PAX2: variants seen among roughly 807,000 people sequenced by gnomAD.
PAX2 encodes paired box protein Pax-2.
PAX2 carries 9 observed loss-of-function variants against 41.7 expected under a neutral mutation model. That is an observed-to-expected ratio of 0.22 (90% CI 0.13 to 0.38). PAX2 has a LOEUF of 0.38. PAX2 is among the 10% of genes least tolerant of loss of function. The pLI is 1.00. For synonymous variants in PAX2, 221 were observed against 212.7 expected (o/e 1.04, Z -0.34); for missense variants, 418 against 531.6 (o/e 0.79, Z 2.10).
Position 100,748,184 on chromosome 10 carries a change from G to A in PAX2, c.44-1562G>A, listed in dbSNP as rs1264694874. On this transcript the variant is annotated intron_variant, in intron 1 of 9. Transcript: ENST00000355243. The surrounding 1 kb of genome is among the most constrained non-coding windows in gnomAD (Gnocchi z 5.0). ...TGAGGGGCCGGGCCCTGAGCCCGGG[G>A]AGGCTGAATTATTCATCTTTAATCT... 1.0e-6 allele frequency: 1 copy of A among 985,146 alleles called. No individual in the cohort carries two copies. Among genetic ancestry groups the A allele is most frequent in the East Asian group, 1.1e-4 (1 of 8,726 alleles). The allele number at this position is 985,146 out of a possible 1,614,324, so 61.0% of individuals were successfully genotyped here.
upstream of PAX2, among the ~76,000 whole-genome samples, chr10:100,741,609 C>T (rs1404013829): frequency 1.3e-5 from 2 of 152,110 alleles, no homozygotes; most frequent in Non-Finnish European, 2.9e-5. Flanking sequence ...TGCGCCGGGA[C>T]CCAGAGGGCG....
Position 100,746,038 on chromosome 10 carries a change from T to G in PAX2, c.-223T>G. ...ACCGCCCAGCCCCGAGCCCCGACAG[T>G]GGCAAGTTGCGGCTACTGCAGTTGC... On this transcript the variant is annotated 5_prime_UTR_variant, in exon 1 of 10. Transcript: ENST00000355243. The G allele has an allele frequency of 6.9e-7, 1 of 1,442,498 alleles. No individual in the cohort carries two copies. The highest frequency in any genetic ancestry group is 9.0e-7 in the Non-Finnish European group (1 of 1,105,448). The allele number at this position is 1,442,498 out of a possible 1,614,324, so 89.4% of individuals were successfully genotyped here.
Position 100,750,578 on chromosome 10 carries a change from C to A in PAX2, c.213-116C>A. On this transcript the variant is annotated intron_variant, in intron 2 of 9. Coordinates refer to ENST00000355243, the MANE Select transcript of PAX2 (RefSeq NM_000278.5). This position sits in a 1 kb window ranked among gnomAD's most constrained non-coding sequence, Gnocchi z 4.1. ...CAGCTCAGCCACACTGGGCCTTTTC[C>A]CTCCACTCCGCTGCCTCGGCCGGGC... is the stretch of plus-strand genomic sequence containing the variant. The A allele has an allele frequency of 1.1e-6, 1 of 911,728 alleles. No homozygotes were observed. 56.5% of individuals were successfully genotyped at this position (911,728 alleles called of 1,614,324 possible).
intron 5 of PAX2, among the ~76,000 whole-genome samples, chr10:100,797,156 G>A (rs572683933): frequency 2.0e-5 from 3 of 152,324 alleles, no homozygotes; most frequent in African/African-American, 7.2e-5. Context: ...TTCTCTACAT[G>A]AAGTTTATAA....
chr10:100,827,792 A>C lies in PAX2; in HGVS notation c.*173A>C. On this transcript the variant is annotated 3_prime_UTR_variant, in exon 10 of 10. Coordinates refer to ENST00000355243, the MANE Select transcript of PAX2 (RefSeq NM_000278.5). This position sits in a 1 kb window ranked among gnomAD's most constrained non-coding sequence, Gnocchi z 8.5. The stretch of plus-strand genomic sequence containing the variant: ...CAACCCTTCACATCACCCCCCTCGA[A>C]GGTCGGACAGGACGGGTGGAGCCGT... 1.0e-6 allele frequency: 1 copy of C among 952,990 alleles called. No homozygotes were observed. Among genetic ancestry groups the C allele is most frequent in the Non-Finnish European group, 1.6e-6 (1 of 621,844 alleles). The allele number at this position is 952,990 out of a possible 1,614,324, so 59.0% of individuals were successfully genotyped here.
chr10:100,764,968 A>T (rs2133866101), intron 3 of PAX2, among the ~76,000 whole-genome samples: 1 of 152,176 alleles, frequency 6.6e-6, no homozygotes, highest in South Asian at 2.1e-4. Context: ...AAATGGAGAT[A>T]AGACAAAGGA....
At chr10:100,794,308 CT>C (rs1847246021) in intron 5 of PAX2, among the ~76,000 whole-genome samples, 1 of 152,252 alleles carries the variant, frequency 6.6e-6, no homozygotes, top group African/African-American at 2.4e-5. Context: ...TCCATCTCCA[CT>C]CCCTACTTGC....
At chr10:100,765,596 G>A (rs1322319389) in intron 3 of PAX2, among the ~76,000 whole-genome samples, 1 of 152,118 alleles carries the variant, frequency 6.6e-6, no homozygotes, top group Non-Finnish European at 1.5e-5. Context: ...CATTTTTCTT[G>A]TAGTACGAAA....
chr10:100,742,986 T>C (rs4919487), upstream of PAX2, among the ~76,000 whole-genome samples: 7 of 150,194 alleles, frequency 4.7e-5, no homozygotes, highest in Admixed American at 4.7e-4. Context: ...GGCCAGCCCT[T>C]CATCCTGGAG....
rs116720863 is a variant in PAX2 at position 100,813,116 on chromosome 10, G to A, written c.919+3880G>A. Among the ~76,000 whole-genome samples the A allele has an allele frequency of 4.9e-3, 749 of 152,386 alleles. 8 individuals are homozygous for A. The highest frequency in any genetic ancestry group is 0.017 in the African/African-American group (708 of 41,594). ...CATTCAAAGCTGTCCTGAGCAGCAC[G>A]TGGCCTGTGGGCTGTGGATTGGACA... On this transcript the variant is annotated intron_variant, in intron 7 of 9. Coordinates refer to ENST00000355243, the MANE Select transcript of PAX2 (RefSeq NM_000278.5).
chr10:100,759,414 G>A (rs975130747), intron 3 of PAX2, among the ~76,000 whole-genome samples: 4 of 152,204 alleles, frequency 2.6e-5, no homozygotes, highest in Non-Finnish European at 5.9e-5. Flanking sequence ...GGCAGGCTGT[G>A]AGGCAGGCCA....
chr10:100,799,789 CTT>C lies in PAX2; in HGVS notation c.617-6621_617-6620del, dbSNP rs56012188. On this transcript the variant is annotated intron_variant, in intron 5 of 9. Coordinates refer to ENST00000355243, the MANE Select transcript of PAX2 (RefSeq NM_000278.5). The stretch of plus-strand genomic sequence containing the variant: ...TTAGAAAACTGAAGTTAGTGTAATT[CTT>C]TTTTTTTTTTTTTTTTTTTCTGAGA... Among the ~76,000 whole-genome samples the C allele has an allele frequency of 1.7e-3, 156 of 89,904 alleles. 1 individual carries two copies. The highest frequency in any genetic ancestry group is 0.014 in the South Asian group (29 of 2,040). 59.0% of individuals were successfully genotyped at this position (89,904 alleles called of 152,430 possible).
intron 5 of PAX2, among the ~76,000 whole-genome samples, chr10:100,794,467 T>A (rs1847251197): frequency 6.6e-6 from 1 of 152,172 alleles, no homozygotes; most frequent in African/African-American, 2.4e-5. Flanking sequence ...CCTCCCTCCC[T>A]TTCATCCACT....
intron 5 of PAX2, among the ~76,000 whole-genome samples, chr10:100,805,180 A>G (rs1445661925): frequency 6.6e-6 from 1 of 152,046 alleles, no homozygotes; most frequent in African/African-American, 2.4e-5. Flanking sequence ...GCAAGGGAGG[A>G]TGGCTGCAGG....
chr10:100,744,892 C>T (rs1429706216), upstream of PAX2, among the ~76,000 whole-genome samples: 1 of 152,106 alleles, frequency 6.6e-6, no homozygotes, highest in African/African-American at 2.4e-5. Context: ...TCGCGTGGAA[C>T]GGGAGGGGAC....
chr10:100,816,583 C>T (rs1489684594), intron 7 of PAX2, among the ~76,000 whole-genome samples: 1 of 152,138 alleles, frequency 6.6e-6, no homozygotes, highest in Non-Finnish European at 1.5e-5. Flanking sequence ...GACCTGAAAA[C>T]CTGTTTCCCC....
At chr10:100,761,900 A>G (rs1171514136) in intron 3 of PAX2, among the ~76,000 whole-genome samples, 6 of 152,146 alleles carry the variant, frequency 3.9e-5, no homozygotes, top group Non-Finnish European at 8.8e-5. Context: ...GAAAAAGGCA[A>G]TAGATTACCA....
rs190307306 is a variant in PAX2, at chr10:100,758,197, A to G, written c.410+7306A>G. On this transcript the variant is annotated intron_variant, in intron 3 of 9. Coordinates refer to ENST00000355243, the MANE Select transcript of PAX2 (RefSeq NM_000278.5). Reference sequence around the variant, plus strand: ...GCTCTGTTGCCCAGGCTGGAGTGCAATGGCACGATCTCAGCTCACTGCAAG... The same window carrying G: ...GCTCTGTTGCCCAGGCTGGAGTGCAGTGGCACGATCTCAGCTCACTGCAAG... 5.3e-3 allele frequency among the ~76,000 whole-genome samples: 792 copies of G among 149,008 alleles called. 12 individuals carry two copies. The highest frequency in any genetic ancestry group is 0.019 in the African/African-American group (752 of 40,082).
At position 100,828,494 on chromosome 10, in the gene PAX2, C is replaced by T. The variant is rs546062813; in HGVS notation, c.*875C>T. 7 of 234,088 alleles carry T rather than the reference C, an allele frequency of 3.0e-5. No individual in the cohort carries two copies. Among genetic ancestry groups the T allele is most frequent in the Non-Finnish European group, 5.9e-5 (7 of 118,700 alleles). The allele number at this position is 234,088 out of a possible 1,614,324, so 14.5% of individuals were successfully genotyped here. The stretch of plus-strand genomic sequence containing the variant: ...CTCCCAGTTTCCCCTCCTGCCAGTC[C>T]TTCGCCTGTCCCTTGACGCCCTGCA... On this transcript the variant is annotated 3_prime_UTR_variant, in exon 10 of 10. Coordinates refer to ENST00000355243, the MANE Select transcript of PAX2 (RefSeq NM_000278.5). The surrounding 1 kb of genome is among the most constrained non-coding windows in gnomAD (Gnocchi z 6.5).
Sources: gnomAD v4.1 joint callset for allele counts (sites outside exome capture counted in the v4.1 genomes callset) on GRCh38, gnomAD v4.1.1 for gene constraint, Gnocchi (gnomAD v3.1) non-coding constraint, MANE v1.5 for transcripts, NCBI Gene and HGNC (gene_info 2026-07-23, HGNC 2026-07-21) for gene names.